UNC13C: variants seen among roughly 807,000 people sequenced by gnomAD.
The protein encoded by UNC13C is unc-13 homolog C.
Under a neutral mutation model 245.4 loss-of-function variants are expected in UNC13C, and 174 were observed. The observed-to-expected ratio is 0.71, with a 90% CI of 0.63 to 0.80. The LOEUF (loss-of-function observed/expected upper bound fraction) is 0.80, where lower values mean the gene tolerates loss of function less well. Among genes scored for constraint, UNC13C ranks in the 30% least tolerant of loss-of-function variants. The pLI, the probability that UNC13C is intolerant of heterozygous loss-of-function variation, is 0.00. For synonymous variants in UNC13C, 992 were observed against 895.1 expected, an observed-to-expected ratio of 1.11 and a Z score of -1.93; for missense variants, 2,829 against 2,602.9, an observed-to-expected ratio of 1.09 and a Z score of -1.89.
intron 2 of UNC13C, among the ~76,000 whole-genome samples, chr15:54,038,124 A>AAATTTTTTTTTTTTTTTTTT (rs1555406259): frequency 8.9e-5 from 4 of 45,040 alleles, no homozygotes; most frequent in African/African-American, 4.2e-4. Flanking sequence ...ATATATATAT[A>AAATTTTTTTTTTTTTTTTTT]TTTTTTTTTT....
chr15:54,222,529 T>C (rs1471185359), intron 4 of UNC13C, among the ~76,000 whole-genome samples: 3 of 152,132 alleles, frequency 2.0e-5, no homozygotes, highest in Non-Finnish European at 2.9e-5. Context: ...GTCTTGGCTA[T>C]TGTGAACAGT....
intron 19 of UNC13C, among the ~76,000 whole-genome samples, chr15:54,428,555 C>T (rs1041233072): frequency 1.3e-5 from 2 of 151,662 alleles, no homozygotes; most frequent in South Asian, 2.1e-4. Flanking sequence ...CACTGATATA[C>T]TTGTTTATTG....
chr15:54,139,864 G>A (rs976003403), intron 2 of UNC13C, among the ~76,000 whole-genome samples: 8 of 151,654 alleles, frequency 5.3e-5, no homozygotes, highest in South Asian at 2.1e-4. Context: ...GTGGAACTTG[G>A]TGGCATATGT....
Position 54,322,093 on chromosome 15 carries a change from G to A in UNC13C, c.4423G>A (p.Gly1475Ser), listed in dbSNP as rs1176697734. 1.3e-6 allele frequency: 2 copies of A among 1,559,958 alleles called. No homozygotes were observed. Among genetic ancestry groups the A allele is most frequent in the Non-Finnish European group, 1.7e-6 (2 of 1,154,068 alleles). Residue 1475 changes from glycine to serine, a missense_variant and splice_region_variant, in exon 14 of 33, where the codon GGT (glycine) becomes AGT (serine). Physicochemically the swap from Gly to Ser is moderately conservative, Grantham distance 56. Coordinates refer to ENST00000260323, the MANE Select transcript of UNC13C (RefSeq NM_001080534.3). ...AGATCGATTTGCTGCTACCAACTTT[G>A]GTGTAAGTATAATTTTTTAAACTTT... is the stretch of plus-strand genomic sequence containing the variant. ...ASDRFAATNF[G>S]REKFIKLLDQ...
In UNC13C at chr15:54,067,406, T is replaced by G. The variant is rs929326473; in HGVS notation, c.2983+51520T>G. On this transcript the variant is annotated intron_variant, in intron 2 of 32. Coordinates refer to ENST00000260323, the MANE Select transcript of UNC13C (RefSeq NM_001080534.3). ...ATTAACATCTTATGTTATAAAAATGTTTAAATATTTGACTTGTTTCAATTG... is the reference window on the plus strand; with the variant it reads ...ATTAACATCTTATGTTATAAAAATGGTTAAATATTTGACTTGTTTCAATTG... 3.3e-5 allele frequency among the ~76,000 whole-genome samples: 5 copies of G among 152,194 alleles called. No individual in the cohort carries two copies. In the East Asian group the frequency reaches 9.6e-4, roughly 29 times the overall value.
intron 13 of UNC13C, among the ~76,000 whole-genome samples, chr15:54,300,765 T>G (rs1490584509): frequency 6.6e-6 from 1 of 152,182 alleles, no homozygotes; most frequent in Non-Finnish European, 1.5e-5. Context: ...AGCCAGTGAC[T>G]TATTCCATAT....
intron 2 of UNC13C, among the ~76,000 whole-genome samples, chr15:54,086,369 G>T (rs1257727859): frequency 6.6e-6 from 1 of 152,162 alleles, no homozygotes; most frequent in Admixed American, 6.5e-5. Flanking sequence ...CTTTGCAAAA[G>T]GGATTTATTT....
At chr15:54,570,019 T>C (rs1046998316) in intron 30 of UNC13C, among the ~76,000 whole-genome samples, 1 of 152,032 alleles carries the variant, frequency 6.6e-6, no homozygotes, top group Non-Finnish European at 1.5e-5. Flanking sequence ...TCCTTCCCCA[T>C]CCACTTACAG....
chr15:54,482,463 G>A (rs530034403), intron 19 of UNC13C, among the ~76,000 whole-genome samples: 8 of 152,254 alleles, frequency 5.3e-5, no homozygotes, highest in South Asian at 2.1e-4. Context: ...ATGTAGGAGC[G>A]GGCGGTGGGA....
At chr15:54,443,051 T>G (rs905719083) in intron 19 of UNC13C, among the ~76,000 whole-genome samples, 20 of 152,116 alleles carry the variant, frequency 1.3e-4, no homozygotes, top group African/African-American at 4.8e-4. Context: ...GTTATGGGCT[T>G]TTCTTTCTCC....
chr15:54,223,150 TACTC>T (rs1278161208), intron 4 of UNC13C, among the ~76,000 whole-genome samples: 1 of 152,128 alleles, frequency 6.6e-6, no homozygotes, highest in Non-Finnish European at 1.5e-5. Flanking sequence ...TATGGGATAT[TACTC>T]AAGAAATCTT....
intron 4 of UNC13C, among the ~76,000 whole-genome samples, chr15:54,171,509 A>G (rs369116822): frequency 1.3e-5 from 2 of 152,162 alleles, no homozygotes; most frequent in South Asian, 4.1e-4. Flanking sequence ...AAAGTGCTCA[A>G]TGTCATTGAT....
In UNC13C at chr15:54,502,851, T is replaced by C. The variant is rs376547128; in HGVS notation, c.5301+1873T>C. On this transcript the variant is annotated intron_variant, in intron 22 of 32. Coordinates refer to ENST00000260323, the MANE Select transcript of UNC13C (RefSeq NM_001080534.3). The stretch of plus-strand genomic sequence containing the variant: ...GGTTATGTAAGTTGGGCGACATGAG[T>C]GCACGGTAACAGAGTAGAAAGAATG... 7.2e-5 allele frequency among the ~76,000 whole-genome samples: 11 copies of C among 152,200 alleles called. No homozygotes were observed. In the East Asian group the frequency reaches 1.7e-3, roughly 24 times the overall value.
Position 54,185,624 on chromosome 15 carries a change from A to G in UNC13C, c.3071+41940A>G, listed in dbSNP as rs944400626. ...CTGAGGGCTCTGTTCTGTTCCATTG[A>G]TCTATATCTCTGTTTTTGTACCAGT... On this transcript the variant is annotated intron_variant, in intron 4 of 32. Coordinates refer to ENST00000260323, the MANE Select transcript of UNC13C (RefSeq NM_001080534.3). Among the ~76,000 whole-genome samples the G allele has an allele frequency of 5.5e-3, 809 of 146,180 alleles. 13 individuals are homozygous for G. Among genetic ancestry groups the G allele is most frequent in the Non-Finnish European group, 9.3e-3 (627 of 67,406 alleles).
chr15:54,002,281 A>G (rs1264496958), intron 1 of UNC13C, among the ~76,000 whole-genome samples: 2 of 152,100 alleles, frequency 1.3e-5, no homozygotes, highest in African/African-American at 4.8e-5. Context: ...GTGAGAATCC[A>G]TCTCAAAAAA....
At chr15:54,493,695 T>G (rs753914818) in intron 19 of UNC13C, among the ~76,000 whole-genome samples, 1 of 152,122 alleles carries the variant, frequency 6.6e-6, no homozygotes, top group Non-Finnish European at 1.5e-5. Context: ...GAGGGCACAT[T>G]CAACCTGGAT....
At chr15:53,854,109 A>G in the UNC13C span, among the ~76,000 whole-genome samples, 1 of 119,590 alleles carries the variant, frequency 8.4e-6, no homozygotes, top group Non-Finnish European at 1.8e-5. Flanking sequence ...ATTTTCTCCC[A>G]GGGTTTTTAT....
downstream of UNC13C, chr15:54,632,302 C>T (rs1008505315): frequency 2.6e-5 from 4 of 152,220 alleles, no homozygotes; most frequent in South Asian, 8.3e-4. Flanking sequence ...TTATAACAAC[C>T]TCTTTAAGAG....
At chr15:54,228,955 A>C (rs538902532) in intron 4 of UNC13C, among the ~76,000 whole-genome samples, 2 of 152,242 alleles carry the variant, frequency 1.3e-5, no homozygotes, top group East Asian at 3.9e-4. Flanking sequence ...CTGCCTTTCA[A>C]GTTTATTTAG....
Sources: gnomAD v4.1 joint callset for allele counts (sites outside exome capture counted in the v4.1 genomes callset) on GRCh38, gnomAD v4.1.1 for gene constraint, MANE v1.5 for transcripts, NCBI Gene and HGNC (gene_info 2026-07-23, HGNC 2026-07-21) for gene names.